The following ZFAND6 variants were observed in gnomAD, a reference collection of about 807,000 sequenced individuals.
The protein encoded by ZFAND6 is zinc finger AN1-type containing 6.
A neutral mutation model predicts 24.5 loss-of-function variants in ZFAND6; 12 were observed. The observed-to-expected ratio is 0.49, with a 90% CI of 0.31 to 0.79. The LOEUF is 0.79. Ranked by LOEUF, ZFAND6 falls within the 30% of genes least tolerant of loss-of-function variation. ZFAND6 has a pLI of 0.04. For missense variants in ZFAND6, 207 were observed against 245.9 expected (o/e 0.84, Z 1.06); for synonymous variants, 92 against 81.5 (o/e 1.13, Z -0.69).
intron 6 of ZFAND6, 63 bp downstream of exon 6, chr15:80,131,356 GT>G: frequency 7.4e-7 from 1 of 1,354,630 alleles, no homozygotes; most frequent in Non-Finnish European, 1.0e-6. Context: ...ATAGCTTACT[GT>G]TGTTGACTTC....
intron 1 of ZFAND6, among the ~76,000 whole-genome samples, chr15:80,096,547 ATCAAG>A (rs2038732903): frequency 6.6e-6 from 1 of 152,262 alleles, no homozygotes; most frequent in Non-Finnish European, 1.5e-5. Context: ...ACCCTAAAAC[ATCAAG>A]TCATCTCTTA....
chr15:80,121,856 A>G, intron 4 of ZFAND6, 36 bp downstream of exon 4: 4 of 1,533,912 alleles, frequency 2.6e-6, no homozygotes, highest in Non-Finnish European at 3.6e-6. Context: ...TGAGAATGCT[A>G]ATAAAAACTA....
chr15:80,124,289 T>C (rs912234623), intron 5 of ZFAND6, among the ~76,000 whole-genome samples: 13 of 152,180 alleles, frequency 8.5e-5, no homozygotes, highest in African/African-American at 3.1e-4. Flanking sequence ...AAAAATTAGC[T>C]GGGCGTGGTG....
intron 4 of ZFAND6, 50 bp downstream of exon 4, chr15:80,121,870 A>C (rs1567092556): frequency 1.4e-6 from 2 of 1,474,246 alleles, no homozygotes; most frequent in African/African-American, 1.4e-5. Flanking sequence ...AAAACTAAAG[A>C]GTATATTCTG....
At chr15:80,083,736 T>C (rs1294352883) in intron 1 of ZFAND6, among the ~76,000 whole-genome samples, 2 of 152,136 alleles carry the variant, frequency 1.3e-5, no homozygotes, top group Non-Finnish European at 2.9e-5. Flanking sequence ...ACTAAAAATA[T>C]AAAAATCAGC....
At chr15:80,086,084 G>C (rs1301213363) in intron 1 of ZFAND6, among the ~76,000 whole-genome samples, 2 of 152,062 alleles carry the variant, frequency 1.3e-5, no homozygotes, top group Non-Finnish European at 2.9e-5. Context: ...TGTTGCCCAG[G>C]CTGGAGTGCA....
intron 2 of ZFAND6, among the ~76,000 whole-genome samples, chr15:80,112,506 T>C (rs2039660325): frequency 6.6e-6 from 1 of 151,946 alleles, no homozygotes; most frequent in Non-Finnish European, 1.5e-5. Flanking sequence ...CAAACAATGC[T>C]CCTGCCTCAG....
intron 2 of ZFAND6, among the ~76,000 whole-genome samples, chr15:80,110,757 G>C (rs537014561): frequency 6.6e-6 from 1 of 152,230 alleles, no homozygotes; most frequent in South Asian, 2.1e-4. Context: ...TTTAGTAAAT[G>C]GTTTGGGGTT....
At chr15:80,090,960 T>C (rs1024440694) in intron 1 of ZFAND6, among the ~76,000 whole-genome samples, 9 of 152,232 alleles carry the variant, frequency 5.9e-5, no homozygotes, top group Non-Finnish European at 1.0e-4. Flanking sequence ...ACTGCCTCTT[T>C]GCCGCAACCC....
At chr15:80,114,499 G>A (rs1486872315) in intron 2 of ZFAND6, among the ~76,000 whole-genome samples, 1 of 151,074 alleles carries the variant, frequency 6.6e-6, no homozygotes, top group East Asian at 1.9e-4. Context: ...AATGTATTAG[G>A]AGGAGGGGCA....
chr15:80,111,638 T>G (rs2039616506), intron 2 of ZFAND6: 3 of 350,950 alleles, frequency 8.5e-6, no homozygotes, highest in South Asian at 4.4e-5. Flanking sequence ...AGGAAATTTT[T>G]CTCATAAGTT....
chr15:80,092,854 A>G (rs77786949), intron 1 of ZFAND6, among the ~76,000 whole-genome samples: 1,987 of 152,258 alleles, frequency 0.013, 35 homozygotes, highest in African/African-American at 0.045. Flanking sequence ...ATTATATTAA[A>G]ATACTTTTAT....
chr15:80,068,987 G>C (rs1395206891), intron 1 of ZFAND6, among the ~76,000 whole-genome samples: 83 of 152,356 alleles, frequency 5.4e-4, no homozygotes, highest in East Asian at 1.9e-4. Flanking sequence ...AGTTTACAGA[G>C]AATGTTACCT....
At chr15:80,121,393 T>A (rs1214167404) in intron 3 of ZFAND6, among the ~76,000 whole-genome samples, 2 of 152,234 alleles carry the variant, frequency 1.3e-5, no homozygotes, top group Non-Finnish European at 2.9e-5. Flanking sequence ...TCATCTTATT[T>A]AAATATCTCA....
At chr15:80,104,136 C>T (rs888431293) in intron 2 of ZFAND6, among the ~76,000 whole-genome samples, 1 of 152,068 alleles carries the variant, frequency 6.6e-6, no homozygotes, top group African/African-American at 2.4e-5. Flanking sequence ...GCCACCGCCC[C>T]TGGCCGGATT....
intron 6 of ZFAND6, among the ~76,000 whole-genome samples, chr15:80,134,419 C>G (rs62006322): frequency 6.6e-6 from 1 of 152,080 alleles, no homozygotes; most frequent in Admixed American, 6.5e-5. Context: ...GGTCAGGGGT[C>G]GTAAAGACCT....
At chr15:80,067,645 A>G (rs767931953) in intron 1 of ZFAND6, among the ~76,000 whole-genome samples, 1 of 152,188 alleles carries the variant, frequency 6.6e-6, no homozygotes. Flanking sequence ...GTCACATTCT[A>G]GGTGCTCACT....
intron 2 of ZFAND6, among the ~76,000 whole-genome samples, chr15:80,113,019 G>A (rs973049217): frequency 3.4e-5 from 5 of 146,966 alleles, no homozygotes; most frequent in South Asian, 2.1e-4. Context: ...ACAGGAGCTC[G>A]TCTTACCTTT....
In ZFAND6 at chr15:80,121,759, G is replaced by C. The variant is rs776947151; in HGVS notation, c.202G>C (p.Asp68His). ...TGAATCTTTACCAGTTCAATGCACA[G>C]ATGGCAGTGTGCCAGAAGCCCAGTC... is the stretch of plus-strand genomic sequence containing the variant. ...LSESLPVQCT[D>H]GSVPEAQSAL... The change falls in exon 4 of 7, where the codon GAT (aspartate) becomes CAT (histidine). Residue 68 changes from aspartate (D) to histidine (H), a missense_variant. Asp to His is a moderately conservative substitution (Grantham distance 81, BLOSUM62 -1). This residue lies in a region of ZFAND6 where 133 missense variants were observed against 122.8 expected (regional missense o/e 1.08). Coordinates refer to ENST00000261749, the MANE Select transcript of ZFAND6 (RefSeq NM_019006.4). 1 of 1,613,916 alleles carries C rather than the reference G, an allele frequency of 6.2e-7. No homozygotes were observed. Among genetic ancestry groups the C allele is most frequent in the East Asian group, 2.2e-5 (1 of 44,868 alleles).
Sources: allele counts gnomAD v4.1 joint callset (sites outside exome capture counted in the v4.1 genomes callset), GRCh38; gene constraint gnomAD v4.1.1; regional missense constraint gnomAD v4.1.1; transcripts MANE v1.5; gene names NCBI Gene and HGNC (gene_info 2026-07-23, HGNC 2026-07-21).